The following TUSC3 variants were observed in gnomAD, a reference collection of about 807,000 sequenced individuals.
TUSC3 encodes tumor suppressor candidate 3.
A neutral mutation model predicts 44.8 loss-of-function variants in TUSC3; 45 were observed. That is an observed-to-expected ratio of 1.00 (90% CI 0.79 to 1.29). The LOEUF (loss-of-function observed/expected upper bound fraction) is 1.29, where lower values mean the gene tolerates loss of function less well. TUSC3 is among the 50% of genes most tolerant of loss of function. The pLI, the probability that TUSC3 is intolerant of heterozygous loss-of-function variation, is 0.00. For missense variants in TUSC3, 519 were observed against 437.9 expected (o/e 1.19, Z -1.65); for synonymous variants, 212 against 152.9 (o/e 1.39, Z -2.85).
chr8:15,491,316 T>C (rs891709777), intron 2 of TUSC3, among the ~76,000 whole-genome samples: 1 of 152,156 alleles, frequency 6.6e-6, no homozygotes, highest in Non-Finnish European at 1.5e-5. Context: ...CACAAGGAAT[T>C]TCCCTGTGAG....
chr8:15,699,259 T>C (rs964489209), intron 6 of TUSC3, among the ~76,000 whole-genome samples: 26 of 33,100 alleles, frequency 7.9e-4, no homozygotes, highest in Non-Finnish European at 1.7e-3. Flanking sequence ...ATTTTATTAC[T>C]GGTAATTAAT....
chr8:15,763,025 A>G (rs886259554), intron 10 of TUSC3, among the ~76,000 whole-genome samples: 2 of 151,924 alleles, frequency 1.3e-5, no homozygotes, highest in African/African-American at 4.8e-5. Context: ...TAATTTAACA[A>G]TTTCTCAGAA....
At chr8:15,614,952 A>C (rs62959060) in intron 1 of TUSC3, among the ~76,000 whole-genome samples, 1 of 137,644 alleles carries the variant, frequency 7.3e-6, no homozygotes, top group Non-Finnish European at 1.6e-5. Flanking sequence ...AAAAAAAAAA[A>C]CCACCCCAAA....
In TUSC3 at chr8:15,598,605, C is replaced by G. The variant is rs79293515; in HGVS notation, c.139-24475C>G. On this transcript the variant is annotated intron_variant, in intron 1 of 10. Transcript: ENST00000503731. ...AAAACTCGTCATACTTCCTCCTTCT[C>G]CAGTCTCCACCCTCTGGCAACCACT... Among the ~76,000 whole-genome samples, 1,249 of 152,014 alleles carry G rather than the reference C, an allele frequency of 8.2e-3. 18 individuals are homozygous for G. Among genetic ancestry groups the G allele is most frequent in the African/African-American group, 0.029 (1,208 of 41,526 alleles).
At chr8:15,446,439 T>C (rs1800103237) in intron 1 of TUSC3, among the ~76,000 whole-genome samples, 1 of 151,902 alleles carries the variant, frequency 6.6e-6, no homozygotes, top group South Asian at 2.1e-4. Flanking sequence ...CTGGGCAACA[T>C]TGAGCACTGA....
chr8:15,594,112 G>T (rs1294723304), intron 1 of TUSC3, among the ~76,000 whole-genome samples: 4 of 151,998 alleles, frequency 2.6e-5, no homozygotes, highest in Non-Finnish European at 5.9e-5. Flanking sequence ...CATTTAATAG[G>T]CCACTTAAAG....
chr8:15,586,092 G>T (rs770288949), intron 1 of TUSC3, among the ~76,000 whole-genome samples: 13 of 142,736 alleles, frequency 9.1e-5, no homozygotes, highest in Non-Finnish European at 6.1e-5. Flanking sequence ...TTTAAAGATG[G>T]AATGATTAAC....
the TUSC3 span, among the ~76,000 whole-genome samples, chr8:15,821,170 T>C: frequency 6.6e-6 from 1 of 152,216 alleles, no homozygotes; most frequent in Non-Finnish European, 1.5e-5. Flanking sequence ...TATATAATTC[T>C]GGGTTGACAG....
At chr8:15,617,138 A>ATTTTT (rs71211064) in intron 1 of TUSC3, among the ~76,000 whole-genome samples, 2 of 88,912 alleles carry the variant, frequency 2.2e-5, no homozygotes, top group African/African-American at 4.7e-5. Flanking sequence ...GTGTGTATAT[A>ATTTTT]TTTTTTTTTT....
At chr8:15,757,461 A>C (rs1437739447) in intron 9 of TUSC3, among the ~76,000 whole-genome samples, 2 of 152,224 alleles carry the variant, frequency 1.3e-5, no homozygotes, top group Non-Finnish European at 2.9e-5. Context: ...TGATTTGTAC[A>C]TCTTAACAAC....
chr8:15,551,309 G>A (rs992826477), intron 1 of TUSC3, among the ~76,000 whole-genome samples: 2 of 151,508 alleles, frequency 1.3e-5, no homozygotes, highest in South Asian at 2.1e-4. Flanking sequence ...TATAAAATAT[G>A]GTAATAGAAT....
At chr8:15,598,629 C>T (rs1463441708) in intron 1 of TUSC3, among the ~76,000 whole-genome samples, 1 of 151,872 alleles carries the variant, frequency 6.6e-6, no homozygotes, top group African/African-American at 2.4e-5. Flanking sequence ...CTGGCAACCA[C>T]TGATCTTTTT....
upstream of TUSC3, among the ~76,000 whole-genome samples, chr8:15,537,537 T>A (rs1402382512): frequency 6.6e-6 from 1 of 152,202 alleles, no homozygotes; most frequent in African/African-American, 2.4e-5. Flanking sequence ...TTGACTCTTG[T>A]CATCAACCTA....
chr8:15,672,903 G>C (rs1808011623), intron 5 of TUSC3, among the ~76,000 whole-genome samples: 1 of 152,040 alleles, frequency 6.6e-6, no homozygotes, highest in South Asian at 2.1e-4. Flanking sequence ...ATGCCTATCA[G>C]AGCCAGGAAG....
intron 1 of TUSC3, among the ~76,000 whole-genome samples, chr8:15,550,037 G>A (rs1585091539): frequency 6.6e-6 from 1 of 151,640 alleles, no homozygotes; most frequent in East Asian, 1.9e-4. Flanking sequence ...GCAAGCACGG[G>A]GTACGTGACT....
chr8:15,614,713 A>G (rs965503719), intron 1 of TUSC3, among the ~76,000 whole-genome samples: 4 of 152,180 alleles, frequency 2.6e-5, no homozygotes, highest in Non-Finnish European at 4.4e-5. Context: ...TTAAGTTTTC[A>G]TGACATTTAA....
chr8:15,658,176 G>C (rs890739565), intron 3 of TUSC3, among the ~76,000 whole-genome samples: 3 of 152,158 alleles, frequency 2.0e-5, no homozygotes, highest in Non-Finnish European at 4.4e-5. Flanking sequence ...AGTAGTGTTT[G>C]AAGAGCACTA....
chr8:15,562,126 C>G (rs1802498330), intron 1 of TUSC3, among the ~76,000 whole-genome samples: 1 of 152,138 alleles, frequency 6.6e-6, no homozygotes. Flanking sequence ...CTTCAGAGAT[C>G]TTGGAGATAA....
intron 1 of TUSC3, among the ~76,000 whole-genome samples, chr8:15,430,556 T>C (rs1320514895): frequency 6.6e-6 from 1 of 151,226 alleles, no homozygotes; most frequent in Non-Finnish European, 1.5e-5. Flanking sequence ...GCATTCCCTT[T>C]GCAAACTGGC....
Sources: allele counts gnomAD v4.1 joint callset (sites outside exome capture counted in the v4.1 genomes callset), GRCh38; gene constraint gnomAD v4.1.1; transcripts MANE v1.5; gene names NCBI Gene and HGNC (gene_info 2026-07-23, HGNC 2026-07-21).